Variants in DCLRE1A observed in about 807,000 individuals in gnomAD.
DCLRE1A encodes DNA cross-link repair 1A protein.
DCLRE1A carries 64 observed loss-of-function variants against 91.9 expected under a neutral mutation model. That is an observed-to-expected ratio of 0.70 (90% CI 0.57 to 0.86). The LOEUF (loss-of-function observed/expected upper bound fraction) is 0.86. Ranked by LOEUF, DCLRE1A falls within the 40% of genes least tolerant of loss-of-function variation. DCLRE1A has a pLI of 0.00. For synonymous variants in DCLRE1A, 416 were observed against 431.1 expected (o/e 0.96, Z 0.43); for missense variants, 1,145 against 1,213.3 (o/e 0.94, Z 0.84).
intron 2 of DCLRE1A, among the ~76,000 whole-genome samples, chr10:113,848,212 G>T (rs1845573690): frequency 6.6e-6 from 1 of 152,078 alleles, no homozygotes; most frequent in East Asian, 1.9e-4. Context: ...AGCTACTTGG[G>T]AGGCTGAGGC....
At chr10:113,837,001 T>A (rs1845371423) in intron 8 of DCLRE1A, 61 bp downstream of exon 8, 1 of 1,419,976 alleles carries the variant, frequency 7.0e-7, no homozygotes, top group Non-Finnish European at 9.4e-7. Flanking sequence ...CTTATTACAT[T>A]TTTTAAAATG....
rs1564845088 is a variant in DCLRE1A, at chr10:113,849,452, G to A, written c.1653C>T (p.Thr551=). 1 of 1,614,044 alleles carries A rather than the reference G, an allele frequency of 6.2e-7. No homozygotes were observed. The highest frequency in any genetic ancestry group is 1.7e-5 in the Admixed American group (1 of 60,012). ...GLKYNARHPS[T]KVMKQMDIGV... ...CTATATCCATTTGCTTCATTACCTT[G>A]GTAGAAGGATGTCTTGCATTATACT... The change falls in exon 2 of 9, where the codon ACC becomes ACT. Residue 551 remains threonine (T), a synonymous_variant. Coordinates refer to ENST00000361384, the MANE Select transcript of DCLRE1A (RefSeq NM_014881.5).
chr10:113,852,321 G>C (rs1845664610), intron 1 of DCLRE1A, among the ~76,000 whole-genome samples: 1 of 152,220 alleles, frequency 6.6e-6, no homozygotes, highest in African/African-American at 2.4e-5. Flanking sequence ...GGGCAACAGA[G>C]AGAGACTCCG....
rs1375130955 is a variant in DCLRE1A at position 113,841,431 on chromosome 10, A to C, written c.2795T>G (p.Leu932Arg). ...CTTAAAATTAATTTGCATCATTGGG[A>C]GAAGGTGAACCAATGAACTGCACAT... ...TDMCSSLVHL[L>R]PMMQINFKGL... Residue 932 changes from leucine to arginine, a missense_variant, in exon 7 of 9, where the codon CTC becomes CGC. Leu to Arg is a moderately radical substitution (Grantham distance 102). Coordinates refer to ENST00000361384, the MANE Select transcript of DCLRE1A (RefSeq NM_014881.5). The C allele has an allele frequency of 1.9e-6, 3 of 1,613,142 alleles. No individual in the cohort carries two copies. The Admixed American group carries it at 5.0e-5, about 27-fold the overall frequency.
intron 5 of DCLRE1A, among the ~76,000 whole-genome samples, chr10:113,842,802 A>G (rs1845466988): frequency 6.6e-6 from 1 of 152,120 alleles, no homozygotes; most frequent in Admixed American, 6.5e-5. Context: ...TAAATTATAA[A>G]CCTCACTGTC....
intron 2 of DCLRE1A, 117 bp downstream of exon 2, chr10:113,848,863 A>G: frequency 3.0e-6 from 3 of 995,288 alleles, no homozygotes; most frequent in Non-Finnish European, 4.5e-6. Context: ...TCACAAAAGC[A>G]AAGGAAACAC....
At chr10:113,843,506 A>G (rs2134656159) in intron 5 of DCLRE1A, among the ~76,000 whole-genome samples, 1 of 152,320 alleles carries the variant, frequency 6.6e-6, no homozygotes, top group African/African-American at 2.4e-5. Context: ...ACAGGTTGAA[A>G]TGGTTAAGAT....
chr10:113,840,311 A>G (rs994625288), intron 7 of DCLRE1A, among the ~76,000 whole-genome samples: 3 of 150,880 alleles, frequency 2.0e-5, no homozygotes, highest in African/African-American at 7.3e-5. Flanking sequence ...AAAAAAAACA[A>G]CAAAAAAAAA....
chr10:113,845,838 A>T, intron 3 of DCLRE1A, 35 bp from the exon 4 acceptor site: 2 of 1,471,430 alleles, frequency 1.4e-6, no homozygotes, highest in African/African-American at 1.4e-5. Flanking sequence ...CTGATGCAGT[A>T]AAACACTAAA....
chr10:113,842,430 T>C lies in DCLRE1A; in HGVS notation c.2578A>G (p.Asn860Asp). The change falls in exon 6 of 9, where the codon AAC (asparagine) becomes GAC (aspartate). Residue 860 changes from asparagine (N) to aspartate (D), a missense_variant. Coordinates refer to ENST00000361384, the MANE Select transcript of DCLRE1A (RefSeq NM_014881.5). ...AGAGTTACAGCCTCAAAGGCAGTGT[T>C]GATGGCAAACCGGATAACCTCTTGC... ...SQQEVIRFAI[N>D]TAFEAVTLNP... The C allele has an allele frequency of 6.2e-7, 1 of 1,613,952 alleles. No homozygotes were observed. Among genetic ancestry groups the C allele is most frequent in the Non-Finnish European group, 8.5e-7 (1 of 1,179,852 alleles).
chr10:113,838,098 A>T (rs1845391023), intron 7 of DCLRE1A, among the ~76,000 whole-genome samples: 1 of 152,110 alleles, frequency 6.6e-6, no homozygotes, highest in Non-Finnish European at 1.5e-5. Context: ...ACCTACCATA[A>T]GACAACCATA....
chr10:113,850,208 G>T lies in DCLRE1A; in HGVS notation c.897C>A (p.Ser299=), dbSNP rs1269719906. Residue 299 remains serine (S), a synonymous_variant, in exon 2 of 9, where the codon TCC becomes TCA. Coordinates refer to ENST00000361384, the MANE Select transcript of DCLRE1A (RefSeq NM_014881.5). ...CTTCATCACTTTGAAGTGGAGAATAGGAGATTTCACAGTCACTGAAGTCAT... is the reference window on the plus strand; with the variant it reads ...CTTCATCACTTTGAAGTGGAGAATATGAGATTTCACAGTCACTGAAGTCAT... The part of the protein sequence containing the change: ...PENDFSDCEI[S]YSPLQSDEDT... 6.2e-7 allele frequency: 1 copy of T among 1,614,034 alleles called. No homozygotes were observed. Among genetic ancestry groups the T allele is most frequent in the African/African-American group, 1.3e-5 (1 of 74,910 alleles).
chr10:113,845,554 A>T (rs1426105728), intron 4 of DCLRE1A, 131 bp downstream of exon 4: 11 of 690,080 alleles, frequency 1.6e-5, no homozygotes, highest in Non-Finnish European at 2.4e-5. Flanking sequence ...TTTCAAAAGG[A>T]GAAACATCTT....
intron 7 of DCLRE1A, among the ~76,000 whole-genome samples, 199 bp downstream of exon 7, chr10:113,841,207 G>C (rs925252846): frequency 2.6e-5 from 4 of 152,044 alleles, no homozygotes; most frequent in Admixed American, 1.3e-4. Context: ...TAAACTTCTG[G>C]TGGGCATATG....
rs1451496228 is a variant in DCLRE1A, at chr10:113,852,885, T to C, written c.298A>G (p.Lys100Glu). The C allele has an allele frequency of 1.2e-6, 2 of 1,614,160 alleles. No homozygotes were observed. The highest frequency in any genetic ancestry group is 1.1e-5 in the South Asian group (1 of 91,092). Residue 100 changes from lysine to glutamate, a missense_variant, in exon 1 of 9, where the codon AAA (lysine) becomes GAA (glutamate). Lys to Glu is a moderately conservative substitution (Grantham distance 56). Transcript: ENST00000361384. ...QTQDKETTPGKLCRTQKSQHV... is the reference protein window; with the variant it reads ...QTQDKETTPGELCRTQKSQHV... ...TGGCTTTTTTGAGTTCTACAGAGTT[T>C]TCCTGGAGTAGTTTCCTTGTCTTGG... is the stretch of plus-strand genomic sequence containing the variant.
At chr10:113,845,848 A>T in intron 3 of DCLRE1A, 45 bp from the exon 4 acceptor site, 1 of 1,432,978 alleles carries the variant, frequency 7.0e-7, no homozygotes. Flanking sequence ...AAAACACTAA[A>T]TATTTTATTT....
intron 3 of DCLRE1A, 57 bp from the exon 4 acceptor site, chr10:113,845,860 A>T (rs1845529903): frequency 1.5e-6 from 2 of 1,364,046 alleles, no homozygotes; most frequent in Non-Finnish European, 2.1e-6. Context: ...ATTTTATTTC[A>T]TATCTAGTTT....
chr10:113,841,254 G>T, intron 7 of DCLRE1A, 152 bp downstream of exon 7: 1 of 833,696 alleles, frequency 1.2e-6, no homozygotes, highest in Non-Finnish European at 1.8e-6. Context: ...GAAAAACTAT[G>T]AACATTTAAA....
chr10:113,838,806 C>T (rs1023399636), intron 7 of DCLRE1A, among the ~76,000 whole-genome samples: 6 of 152,170 alleles, frequency 3.9e-5, no homozygotes, highest in African/African-American at 1.2e-4. Flanking sequence ...TAGTCAACTA[C>T]GTAGCACATA....
Sources: allele counts gnomAD v4.1 joint callset (sites outside exome capture counted in the v4.1 genomes callset), GRCh38; gene constraint gnomAD v4.1.1; transcripts MANE v1.5; gene names NCBI Gene and HGNC (gene_info 2026-07-23, HGNC 2026-07-21).